Variants in CLIC2 observed in about 807,000 individuals in gnomAD.
The protein encoded by CLIC2 is chloride intracellular channel protein 2.
CLIC2 carries 9 observed loss-of-function variants against 14.8 expected under a neutral mutation model. That is an observed-to-expected ratio of 0.61 (90% confidence interval 0.37 to 1.06). CLIC2 has a LOEUF of 1.06. Among genes scored for constraint, CLIC2 ranks in the 50% least tolerant of loss-of-function variants. The pLI is 0.01. For synonymous variants in CLIC2, 61 were observed against 66.3 expected, an observed-to-expected ratio of 0.92 and a Z score of 0.39; for missense variants, 148 against 181.4, an observed-to-expected ratio of 0.82 and a Z score of 1.06.
At chrX:155,278,833 G>A in intron 5 of CLIC2, 1 of 205,681 alleles carries the variant, frequency 4.9e-6, no homozygotes, top group Non-Finnish European at 8.9e-6. Context: ...CTACTCAAGA[G>A]TGGGGTGGGA....
intron 1 of CLIC2, among the ~76,000 whole-genome samples, chrX:155,322,589 CA>C (rs2075120025): frequency 8.9e-6 from 1 of 111,871 alleles, no homozygotes; most frequent in South Asian, 3.7e-4. Context: ...TAAAATCCCA[CA>C]TCAGAAAGCG....
intron 1 of CLIC2, among the ~76,000 whole-genome samples, chrX:155,334,136 C>G (rs1344292823): frequency 9.0e-6 from 1 of 111,336 alleles, no homozygotes; most frequent in Non-Finnish European, 1.9e-5. Context: ...TCACTACAAA[C>G]CAGTCTAGTG....
chrX:155,326,879 A>T (rs782708735), intron 1 of CLIC2, among the ~76,000 whole-genome samples: 5 of 111,761 alleles, frequency 4.5e-5, no homozygotes, highest in Non-Finnish European at 7.5e-5. Flanking sequence ...AACATTCTTG[A>T]CATGATAAAA....
At chrX:155,285,897 G>A (rs1254503573) in intron 3 of CLIC2, among the ~76,000 whole-genome samples, 3 of 109,030 alleles carry the variant, frequency 2.8e-5, no homozygotes, top group Non-Finnish European at 3.8e-5. Context: ...GAAGACAGAA[G>A]GAAGAAACTC....
intron 1 of CLIC2, among the ~76,000 whole-genome samples, chrX:155,310,728 G>A (rs2075071226): frequency 8.9e-6 from 1 of 112,527 alleles, no homozygotes; most frequent in African/African-American, 3.2e-5. Flanking sequence ...CCCAGCAGAG[G>A]TTCTCCATGA....
At chrX:155,320,472 C>T (rs782152648) in intron 1 of CLIC2, among the ~76,000 whole-genome samples, 1 of 112,129 alleles carries the variant, frequency 8.9e-6, no homozygotes, top group East Asian at 2.8e-4. Flanking sequence ...AGGGTCCTGA[C>T]TGTTAGAAGC....
chrX:155,333,177 A>C (rs2075162801), intron 1 of CLIC2, among the ~76,000 whole-genome samples: 1 of 111,811 alleles, frequency 8.9e-6, no homozygotes, highest in Non-Finnish European at 1.9e-5. Context: ...CTGTAAAAGC[A>C]TTACTTTTGC....
chrX:155,280,087 T>C lies in CLIC2; in HGVS notation c.294-19A>G, dbSNP rs193026143. 5.7e-5 allele frequency: 60 copies of C among 1,055,072 alleles called. No individual in the cohort carries two copies. In the African/African-American group the frequency reaches 9.4e-4, roughly 17 times the overall value. 86.9% of individuals were successfully genotyped at this position (1,055,072 alleles called of 1,213,427 possible). A position where few individuals can be genotyped will look rare whatever the true frequency, so the allele number is the denominator to read the frequency against. On this transcript the variant is annotated intron_variant, in intron 3 of 5. Transcript: ENST00000369449. ...AGGGTACCTTAAAAAGAAACATGCG[T>C]CAACTATCATTTGCACATAACATGA...
At chrX:155,287,479 G>A (rs999031402) in intron 3 of CLIC2, among the ~76,000 whole-genome samples, 1 of 111,108 alleles carries the variant, frequency 9.0e-6, no homozygotes, top group Non-Finnish European at 1.9e-5. Flanking sequence ...GATTACAGGC[G>A]TGTGTCACCA....
At chrX:155,325,241 A>G (rs1202568988) in intron 1 of CLIC2, among the ~76,000 whole-genome samples, 3 of 111,934 alleles carry the variant, frequency 2.7e-5, no homozygotes, top group East Asian at 2.8e-4. Context: ...CATTTGACCC[A>G]GCAATCCCAT....
In CLIC2 at chrX:155,278,117, T is replaced by C. The variant is rs971596872; in HGVS notation, c.583-53A>G. Reference sequence around the variant, plus strand: ...AAGAAGGCATCAGTAATATGCCTACTATGTAGAAATGTTTCTTAGAAGTCA... The same window carrying C: ...AAGAAGGCATCAGTAATATGCCTACCATGTAGAAATGTTTCTTAGAAGTCA... On this transcript the variant is annotated intron_variant, in intron 5 of 5. Coordinates refer to ENST00000369449, the MANE Select transcript of CLIC2 (RefSeq NM_001289.6). The C allele has an allele frequency of 3.1e-4, 320 of 1,027,430 alleles. 1 individual carries two copies. Among genetic ancestry groups the C allele is most frequent in the Non-Finnish European group, 3.9e-4 (285 of 735,000 alleles). The allele number at this position is 1,027,430 out of a possible 1,213,427, so 84.7% of individuals were successfully genotyped here. A position where few individuals can be genotyped will look rare whatever the true frequency, so the allele number is the denominator to read the frequency against.
chrX:155,292,895 C>T (rs1557317968), intron 3 of CLIC2: 1 of 1,010,486 alleles, frequency 9.9e-7, no homozygotes, highest in East Asian at 3.0e-5. Flanking sequence ...ATCCAGGTGC[C>T]TCAAGGGAAG....
intron 4 of CLIC2, 82 bp downstream of exon 4, chrX:155,279,880 T>C: frequency 1.5e-6 from 1 of 659,565 alleles, no homozygotes; most frequent in Non-Finnish European, 2.5e-6. Flanking sequence ...AAATATACTA[T>C]ATATTCAGGA....
chrX:155,319,544 C>T (rs1403304337), intron 1 of CLIC2, among the ~76,000 whole-genome samples: 1 of 112,304 alleles, frequency 8.9e-6, no homozygotes, highest in Non-Finnish European at 1.9e-5. Context: ...TATGCTTTTC[C>T]CACAGTCTTC....
intron 1 of CLIC2, among the ~76,000 whole-genome samples, chrX:155,327,252 GAAATAA>G (rs2075141607): frequency 9.0e-6 from 1 of 111,112 alleles, no homozygotes; most frequent in African/African-American, 3.3e-5. Context: ...AATATATTGT[GAAATAA>G]AAATAGTTTG....
chrX:155,293,880 C>A (rs1198676521), intron 3 of CLIC2, among the ~76,000 whole-genome samples: 1 of 111,685 alleles, frequency 9.0e-6, no homozygotes, highest in Non-Finnish European at 1.9e-5. Context: ...AATATATATG[C>A]ACCCAATACT....
chrX:155,293,653 C>T (rs1303683703), intron 3 of CLIC2, among the ~76,000 whole-genome samples: 1 of 111,961 alleles, frequency 8.9e-6, no homozygotes. Flanking sequence ...AATCCAACTA[C>T]ATAGTACTTA....
chrX:155,321,116 T>C (rs190958081), intron 1 of CLIC2, among the ~76,000 whole-genome samples: 2 of 111,574 alleles, frequency 1.8e-5, no homozygotes, highest in African/African-American at 6.5e-5. Context: ...ACAGGGAGAA[T>C]GGAACCAAGT....
intron 1 of CLIC2, among the ~76,000 whole-genome samples, chrX:155,310,889 A>G (rs1557320497): frequency 8.9e-6 from 1 of 112,744 alleles, no homozygotes. Context: ...TGGGGCTTGC[A>G]TGCTCTGTAG....
Sources: gnomAD v4.1 joint callset for allele counts (sites outside exome capture counted in the v4.1 genomes callset) on GRCh38, gnomAD v4.1.1 for gene constraint, MANE v1.5 for transcripts, NCBI Gene and HGNC (gene_info 2026-07-23, HGNC 2026-07-21) for gene names.